TNRC6B: variants seen among roughly 807,000 people sequenced by gnomAD.
TNRC6B encodes trinucleotide repeat containing adaptor 6B.
In TNRC6B, 52 loss-of-function variants were observed where a neutral mutation model predicts 203.6. The observed-to-expected ratio is 0.26, with a 90% CI of 0.20 to 0.32. The LOEUF is 0.32. TNRC6B is among the 10% of genes least tolerant of loss of function. The pLI is 1.00. For missense variants in TNRC6B, 1,923 were observed against 2,286.2 expected (o/e 0.84, Z 3.24); for synonymous variants, 838 against 845.7 (o/e 0.99, Z 0.16).
At chr22:40,092,201 G>A (rs1461498793) in intron 1 of TNRC6B, among the ~76,000 whole-genome samples, 2 of 151,986 alleles carry the variant, frequency 1.3e-5, no homozygotes, top group Admixed American at 6.6e-5. Context: ...TCAGGGGTTC[G>A]AGACCAGCCT....
chr22:40,183,422 T>C lies in TNRC6B; in HGVS notation c.5+5282T>C, dbSNP rs571816871. The stretch of plus-strand genomic sequence containing the variant: ...GGAGCAGCACGGAGCCTTTTCTCTT[T>C]ATTCAAGTCCCTACATTCCTGTGGT... On this transcript the variant is annotated intron_variant, in intron 1 of 22. Coordinates refer to ENST00000454349, the MANE Select transcript of TNRC6B (RefSeq NM_001162501.2). 4.6e-5 allele frequency among the ~76,000 whole-genome samples: 7 copies of C among 152,316 alleles called. No individual in the cohort carries two copies. The South Asian group carries it at 1.5e-3, about 32-fold the overall frequency.
At chr22:40,218,508 T>G (rs12160931) in intron 1 of TNRC6B, among the ~76,000 whole-genome samples, 44,358 of 151,256 alleles carry the variant, frequency 0.29, 7,530 homozygotes, top group South Asian at 0.45. Context: ...TGTATTTTTT[T>G]ATAGAGACAT....
chr22:40,209,972 T>C (rs1014129207), intron 1 of TNRC6B, among the ~76,000 whole-genome samples: 1 of 149,906 alleles, frequency 6.7e-6, no homozygotes, highest in African/African-American at 2.5e-5. Context: ...GAGCTGAGAT[T>C]GCATCGCTGC....
At chr22:40,250,652 A>G (rs924153265) in intron 2 of TNRC6B, among the ~76,000 whole-genome samples, 9 of 152,180 alleles carry the variant, frequency 5.9e-5, no homozygotes, top group African/African-American at 1.4e-4. Context: ...TCTCCATTCA[A>G]TAGATAATAG....
chr22:40,114,606 G>A (rs963376291), intron 1 of TNRC6B, among the ~76,000 whole-genome samples: 2 of 152,268 alleles, frequency 1.3e-5, no homozygotes, highest in African/African-American at 4.8e-5. Flanking sequence ...AGGATTATAG[G>A]AGTGAGCCAC....
chr22:40,251,300 C>T (rs2070189091), intron 3 of TNRC6B, 100 bp downstream of exon 3: 5 of 906,528 alleles, frequency 5.5e-6, no homozygotes, highest in South Asian at 1.9e-5. Flanking sequence ...AGAGAGTGGG[C>T]GTAGAGTAAT....
At chr22:40,134,301 C>G (rs1245708039) in intron 3 of TNRC6B, among the ~76,000 whole-genome samples, 4 of 152,204 alleles carry the variant, frequency 2.6e-5, no homozygotes, top group African/African-American at 9.6e-5. Context: ...ACTTCAATTT[C>G]TAGTTGTCTT....
At chr22:40,112,630 AT>A (rs1337988701) in intron 1 of TNRC6B, among the ~76,000 whole-genome samples, 1 of 152,080 alleles carries the variant, frequency 6.6e-6, no homozygotes, top group Admixed American at 6.5e-5. Flanking sequence ...TCGGATTTTT[AT>A]TTATTTATTT....
intron 22 of TNRC6B, 112 bp downstream of exon 22, chr22:40,321,341 C>G: frequency 7.9e-7 from 1 of 1,271,428 alleles, no homozygotes; most frequent in Non-Finnish European, 1.1e-6. Context: ...AAGAATGGCA[C>G]CGTCACACGT....
chr22:40,089,361 T>A (rs2068129681), intron 1 of TNRC6B, among the ~76,000 whole-genome samples: 1 of 152,094 alleles, frequency 6.6e-6, no homozygotes, highest in Non-Finnish European at 1.5e-5. Context: ...GCCTCCCCGG[T>A]AGCTGGGATT....
intron 1 of TNRC6B, among the ~76,000 whole-genome samples, chr22:40,192,241 A>G (rs1175623619): frequency 1.3e-5 from 2 of 152,218 alleles, no homozygotes; most frequent in Non-Finnish European, 2.9e-5. Context: ...ACTGATTTTC[A>G]TGTTAAGGAT....
At chr22:40,248,922 T>C (rs2070146116) in intron 2 of TNRC6B, among the ~76,000 whole-genome samples, 1 of 152,220 alleles carries the variant, frequency 6.6e-6, no homozygotes, top group Non-Finnish European at 1.5e-5. Flanking sequence ...TTAGCAGTTT[T>C]AAGGAGAGCA....
At chr22:40,217,070 T>C (rs1314042138) in intron 1 of TNRC6B, among the ~76,000 whole-genome samples, 1 of 152,158 alleles carries the variant, frequency 6.6e-6, no homozygotes, top group Non-Finnish European at 1.5e-5. Context: ...CTCTAAGTCA[T>C]CTGCTCTGGC....
At chr22:40,052,539 C>G (rs987177349) in intron 1 of TNRC6B, among the ~76,000 whole-genome samples, 3 of 146,728 alleles carry the variant, frequency 2.0e-5, no homozygotes, top group Non-Finnish European at 4.5e-5. Context: ...TCATTGCAAC[C>G]TCCATCTCCT....
intron 4 of TNRC6B, among the ~76,000 whole-genome samples, chr22:40,163,079 G>T (rs2068884062): frequency 6.6e-6 from 1 of 151,952 alleles, no homozygotes; most frequent in South Asian, 2.1e-4. Context: ...TATTTTGTTT[G>T]ATTTTTCTTG....
rs2146595357 is a variant in TNRC6B, at chr22:40,332,810, A to G, written c.*9569A>G. On this transcript the variant is annotated 3_prime_UTR_variant, in exon 23 of 23. Coordinates refer to ENST00000454349, the MANE Select transcript of TNRC6B (RefSeq NM_001162501.2). Reference sequence around the variant, plus strand: ...AGTGGATTATCCTTTTTAAAATATGAACATGTAAATAGCAGGATAACTTTA... The same window carrying G: ...AGTGGATTATCCTTTTTAAAATATGGACATGTAAATAGCAGGATAACTTTA... 6.5e-6 allele frequency: 1 copy of G among 152,766 alleles called. No individual in the cohort carries two copies. Among genetic ancestry groups the G allele is most frequent in the Admixed American group, 6.5e-5 (1 of 15,308 alleles). 9.5% of individuals were successfully genotyped at this position (152,766 alleles called of 1,614,324 possible).
At chr22:40,283,803 AT>A (rs1438038735) in intron 11 of TNRC6B, among the ~76,000 whole-genome samples, 1 of 152,202 alleles carries the variant, frequency 6.6e-6, no homozygotes, top group Admixed American at 6.5e-5. Flanking sequence ...TAAAAAGTAA[AT>A]TCTTTTCAAT....
chr22:40,063,923 G>C (rs1439780485), intron 1 of TNRC6B, among the ~76,000 whole-genome samples: 1 of 151,970 alleles, frequency 6.6e-6, no homozygotes, highest in Non-Finnish European at 1.5e-5. Flanking sequence ...GGTTGGTCTC[G>C]AACTCCTGGG....
intron 10 of TNRC6B, 36 bp from the exon 11 acceptor site, chr22:40,281,083 A>G: frequency 6.6e-7 from 1 of 1,510,634 alleles, no homozygotes; most frequent in Non-Finnish European, 8.9e-7. Context: ...ACTAACCAAC[A>G]CTCGTTGTGA....
Sources: gnomAD v4.1 joint callset for allele counts (sites outside exome capture counted in the v4.1 genomes callset) on GRCh38, gnomAD v4.1.1 for gene constraint, MANE v1.5 for transcripts, NCBI Gene and HGNC (gene_info 2026-07-23, HGNC 2026-07-21) for gene names.